Variants in MEF2C observed in about 807,000 individuals in gnomAD.
The protein encoded by MEF2C is myocyte-specific enhancer factor 2C.
MEF2C carries 6 observed loss-of-function variants against 50.5 expected under a neutral mutation model. The observed-to-expected ratio is 0.12, with a 90% CI of 0.07 to 0.23. The LOEUF (loss-of-function observed/expected upper bound fraction) is 0.23. Among genes scored for constraint, MEF2C ranks in the 10% least tolerant of loss-of-function variants. The probability of loss-of-function intolerance (pLI) is 1.00; values close to 1 mark genes in which losing one functional copy is unlikely to be tolerated. For synonymous variants in MEF2C, 183 were observed against 228.0 expected (o/e 0.80, Z 1.78); for missense variants, 276 against 605.0 (o/e 0.46, Z 5.70).
intron 10 of MEF2C, 104 bp from the exon 11 acceptor site, chr5:88,723,029 A>C: frequency 9.7e-7 from 1 of 1,028,038 alleles, no homozygotes. Context: ...TAGACACCAG[A>C]GCATGCCCAG....
At chr5:88,795,420 T>C (rs1196980180) in intron 3 of MEF2C, among the ~76,000 whole-genome samples, 3 of 152,174 alleles carry the variant, frequency 2.0e-5, no homozygotes, top group Non-Finnish European at 2.9e-5. Context: ...TGAATGGGAG[T>C]TCACTCATGA....
chr5:88,751,203 T>A (rs979971787), intron 5 of MEF2C: 52 of 982,416 alleles, frequency 5.3e-5, no homozygotes, highest in Non-Finnish European at 6.0e-5. Flanking sequence ...TGGATGAACT[T>A]TTTCTGAGAA....
At chr5:88,780,590 T>C (rs564431737) in intron 3 of MEF2C, among the ~76,000 whole-genome samples, 2 of 152,198 alleles carry the variant, frequency 1.3e-5, no homozygotes, top group Non-Finnish European at 2.9e-5. Context: ...TCCAAGAGTA[T>C]GTATCCTCAC....
At position 88,722,600 on chromosome 5, in the gene MEF2C, C is replaced by T; in HGVS notation, c.*4G>A. ...AAAAAAAAAACTAGTAAGTAATAAT[C>T]TGATCATGTTGCCCATCCTTCAGAA... On this transcript the variant is annotated 3_prime_UTR_variant, in exon 11 of 11. Coordinates refer to ENST00000504921, the MANE Select transcript of MEF2C (RefSeq NM_002397.5). 6.2e-7 allele frequency: 1 copy of T among 1,606,272 alleles called. No individual in the cohort carries two copies. Among genetic ancestry groups the T allele is most frequent in the South Asian group, 1.1e-5 (1 of 90,734 alleles).
intron 1 of MEF2C, among the ~76,000 whole-genome samples, chr5:88,867,430 G>C (rs530810995): frequency 6.6e-6 from 1 of 152,220 alleles, no homozygotes; most frequent in Non-Finnish European, 1.5e-5. Flanking sequence ...AAGTTACTTT[G>C]TAAATTTTTA....
At chr5:88,735,154 A>C (rs1408661142) in intron 6 of MEF2C, 1 of 985,390 alleles carries the variant, frequency 1.0e-6, no homozygotes. Context: ...GTTTACTGCT[A>C]AGAAGAGCCT....
intron 1 of MEF2C, among the ~76,000 whole-genome samples, chr5:88,828,312 A>AT (rs1561235261): frequency 6.6e-6 from 1 of 152,040 alleles, no homozygotes; most frequent in Non-Finnish European, 1.5e-5. Context: ...TTTTTCTGCA[A>AT]TAAGTACAAT....
intron 2 of MEF2C, among the ~76,000 whole-genome samples, chr5:88,814,722 T>TA (rs905130214): frequency 1.3e-5 from 2 of 152,018 alleles, no homozygotes; most frequent in Non-Finnish European, 2.9e-5. Flanking sequence ...GGGAAAATAA[T>TA]AAATCACAGT....
At chr5:88,819,624 A>C (rs1462407900) in intron 2 of MEF2C, among the ~76,000 whole-genome samples, 1 of 152,018 alleles carries the variant, frequency 6.6e-6, no homozygotes, top group Non-Finnish European at 1.5e-5. Context: ...CCTGATGTAA[A>C]TAAAGTACCT....
chr5:88,812,076 T>C (rs928440697), intron 2 of MEF2C, among the ~76,000 whole-genome samples: 1 of 152,114 alleles, frequency 6.6e-6, no homozygotes, highest in African/African-American at 2.4e-5. Flanking sequence ...AGTAGTATCT[T>C]CTCTGATGCA....
intron 1 of MEF2C, among the ~76,000 whole-genome samples, chr5:88,858,494 G>A (rs2153415430): frequency 6.6e-6 from 1 of 152,208 alleles, no homozygotes; most frequent in East Asian, 1.9e-4. Context: ...GCCCACCTGG[G>A]ATGTCAGGAG....
At chr5:88,837,658 G>A (rs1054902046) in intron 1 of MEF2C, among the ~76,000 whole-genome samples, 2 of 151,990 alleles carry the variant, frequency 1.3e-5, no homozygotes, top group Admixed American at 6.6e-5. Context: ...ACAAAAATGA[G>A]GGTTGGAATG....
chr5:88,783,249 T>C (rs765966434), intron 3 of MEF2C, among the ~76,000 whole-genome samples: 3 of 152,178 alleles, frequency 2.0e-5, no homozygotes, highest in Admixed American at 6.5e-5. Flanking sequence ...TTCTAAGCAT[T>C]TTATAAATGT....
intron 2 of MEF2C, among the ~76,000 whole-genome samples, chr5:88,810,154 T>TA (rs992352786): frequency 8.5e-5 from 13 of 152,122 alleles, no homozygotes; most frequent in African/African-American, 2.7e-4. Flanking sequence ...AATTTTATGT[T>TA]AGAGTAGATG....
intron 8 of MEF2C, chr5:88,729,637 A>C: frequency 2.7e-6 from 1 of 370,566 alleles, no homozygotes; most frequent in Non-Finnish European, 5.0e-6. Flanking sequence ...AACTGATGAA[A>C]TATGTATACT....
intron 1 of MEF2C, among the ~76,000 whole-genome samples, chr5:88,840,249 C>T (rs1188439492): frequency 6.6e-6 from 1 of 152,188 alleles, no homozygotes; most frequent in Non-Finnish European, 1.5e-5. Context: ...TCACAGAATA[C>T]TTTATGTCCA....
intron 6 of MEF2C, chr5:88,739,616 G>A (rs1007383636): frequency 7.1e-5 from 70 of 985,116 alleles, no homozygotes; most frequent in Non-Finnish European, 7.8e-5. Context: ...AAAAATTAGT[G>A]GAAAAATATG....
At chr5:88,744,837 G>A (rs1020681514) in intron 6 of MEF2C, among the ~76,000 whole-genome samples, 1 of 152,194 alleles carries the variant, frequency 6.6e-6, no homozygotes, top group African/African-American at 2.4e-5. Flanking sequence ...GGTGATTTGT[G>A]ATGGTCTGAG....
chr5:88,785,252 A>G (rs1790267951), intron 3 of MEF2C: 1 of 150,362 alleles, frequency 6.7e-6, no homozygotes, highest in South Asian at 2.1e-4. Flanking sequence ...AATAGAAAAA[A>G]AAAGCATTCC....
Sources: gnomAD v4.1 joint callset for allele counts (sites outside exome capture counted in the v4.1 genomes callset) on GRCh38, gnomAD v4.1.1 for gene constraint, MANE v1.5 for transcripts, NCBI Gene and HGNC (gene_info 2026-07-23, HGNC 2026-07-21) for gene names.